Variants in PTPRS observed in about 807,000 individuals in gnomAD.
PTPRS encodes the protein protein tyrosine phosphatase receptor type S, also known as receptor-type tyrosine-protein phosphatase S.
PTPRS carries 63 observed loss-of-function variants against 215.3 expected under a neutral mutation model. The observed-to-expected ratio is 0.29, with a 90% confidence interval of 0.24 to 0.36. The LOEUF is 0.36. PTPRS is among the 10% of genes least tolerant of loss of function. The pLI is 1.00. For synonymous variants in PTPRS, 1,404 were observed against 1,191.4 expected, an observed-to-expected ratio of 1.18 and a Z score of -3.68; for missense variants, 2,258 against 2,825.8, an observed-to-expected ratio of 0.80 and a Z score of 4.56.
At chr19:5,242,926 TC>T (rs1208961415) in intron 11 of PTPRS, among the ~76,000 whole-genome samples, 3 of 151,768 alleles carry the variant, frequency 2.0e-5, no homozygotes, top group Non-Finnish European at 4.4e-5. Context: ...CCTCAATAAA[TC>T]CTCCTATCTT....
chr19:5,229,697 A>C lies in PTPRS; in HGVS notation c.2156-13T>G. The C allele has an allele frequency of 1.3e-5, 4 of 314,548 alleles. No homozygotes were observed. The highest frequency in any genetic ancestry group is 1.9e-5 in the Non-Finnish European group (4 of 211,814). 19.5% of individuals were successfully genotyped at this position (314,548 alleles called of 1,614,324 possible). A position where few individuals can be genotyped will look rare whatever the true frequency, so the allele number is the denominator to read the frequency against. ...GGCGCGCTGGGCACTGGCGGGCGGGAGGGGAGGGGAGGGGCGGGCGGAGCC... is the reference window on the plus strand; with the variant it reads ...GGCGCGCTGGGCACTGGCGGGCGGGCGGGGAGGGGAGGGGCGGGCGGAGCC... On this transcript the variant is annotated splice_polypyrimidine_tract_variant and intron_variant, in intron 14 of 37. Coordinates refer to ENST00000262963, the MANE Select transcript of PTPRS (RefSeq NM_002850.4).
intron 4 of PTPRS, among the ~76,000 whole-genome samples, chr19:5,267,759 T>G (rs2046543062): frequency 9.1e-6 from 1 of 109,494 alleles, no homozygotes; most frequent in South Asian, 3.3e-4. Context: ...GACAAAAAAG[T>G]GACAAATCGC....
chr19:5,261,563 A>T (rs2045994115), intron 6 of PTPRS, among the ~76,000 whole-genome samples: 1 of 152,172 alleles, frequency 6.6e-6, no homozygotes, highest in Non-Finnish European at 1.5e-5. Flanking sequence ...TCTGCTGCTG[A>T]TGGCCGATAA....
intron 9 of PTPRS, among the ~76,000 whole-genome samples, chr19:5,255,456 GCA>G (rs2045472503): frequency 6.6e-6 from 1 of 151,880 alleles, no homozygotes; most frequent in Non-Finnish European, 1.5e-5. Context: ...AAACCAAATA[GCA>G]CAGACACAAG....
chr19:5,260,970 C>A, intron 6 of PTPRS, 148 bp from the exon 7 acceptor site: 1 of 953,756 alleles, frequency 1.0e-6, no homozygotes, highest in Admixed American at 2.3e-5. Context: ...GCATACGGAC[C>A]CTGCGGGCTT....
chr19:5,286,347 C>T (rs2048349682), intron 1 of PTPRS, 113 bp from the exon 2 acceptor site: 4 of 585,600 alleles, frequency 6.8e-6, no homozygotes, highest in Non-Finnish European at 1.2e-5. Flanking sequence ...GGGGGCTGGT[C>T]ATGGGACAAT....
At chr19:5,219,029 C>G (rs909705184) in intron 23 of PTPRS, 2 of 631,590 alleles carry the variant, frequency 3.2e-6, no homozygotes, top group Non-Finnish European at 5.4e-6. Flanking sequence ...ACTACAATTG[C>G]TATCCTCATT....
chr19:5,258,004 C>G lies in PTPRS; in HGVS notation c.706+13G>C. ...CGGGTCCCTGCCTTTGACCTGGACG[C>G]GGCGTTCCCTACCTCGCACGTAGAG... On this transcript the variant is annotated intron_variant, in intron 8 of 37. Transcript: ENST00000262963. The G allele has an allele frequency of 6.2e-7, 1 of 1,609,028 alleles. No homozygotes were observed. The highest frequency in any genetic ancestry group is 1.7e-4 in the Middle Eastern group (1 of 5,966).
intron 2 of PTPRS, among the ~76,000 whole-genome samples, chr19:5,276,181 T>G (rs2047343535): frequency 6.6e-6 from 1 of 152,214 alleles, no homozygotes; most frequent in Non-Finnish European, 1.5e-5. Flanking sequence ...TCTGATGTAT[T>G]CATTCAGTCT....
chr19:5,229,538 C>A lies in PTPRS; in HGVS notation c.2302G>T (p.Ala768Ser). ...VHYVRMEGAE[A>S]RGPPRIKDVM... Reference sequence around the variant, plus strand: ...TCCTTGATGCGCGGCGGCCCGCGGGCCTCGGCGCCCTCCATGCGCACGTAG... The same window carrying A: ...TCCTTGATGCGCGGCGGCCCGCGGGACTCGGCGCCCTCCATGCGCACGTAG... Residue 768 changes from alanine to serine, a missense_variant, in exon 15 of 38, where the codon GCC (alanine) becomes TCC (serine). By Grantham distance (99) the Ala-to-Ser change is moderately conservative. Coordinates refer to ENST00000262963, the MANE Select transcript of PTPRS (RefSeq NM_002850.4). 1 of 1,464,654 alleles carries A rather than the reference C, an allele frequency of 6.8e-7. No individual in the cohort carries two copies. Among genetic ancestry groups the A allele is most frequent in the African/African-American group, 1.5e-5 (1 of 67,596 alleles). The allele number at this position is 1,464,654 out of a possible 1,614,324, so 90.7% of individuals were successfully genotyped here. A position where few individuals can be genotyped will look rare whatever the true frequency, so the allele number is the denominator to read the frequency against.
intron 4 of PTPRS, 111 bp downstream of exon 4, chr19:5,273,331 C>A: frequency 6.5e-7 from 1 of 1,529,014 alleles, no homozygotes; most frequent in South Asian, 1.1e-5. Flanking sequence ...AAGGTCCTCC[C>A]AAAAAACACA....
chr19:5,213,520 A>G (rs890688705), intron 30 of PTPRS, among the ~76,000 whole-genome samples: 2 of 152,112 alleles, frequency 1.3e-5, no homozygotes, highest in Admixed American at 1.3e-4. Flanking sequence ...CTTTCTTGAC[A>G]TTTCATAGTT....
intron 4 of PTPRS, among the ~76,000 whole-genome samples, chr19:5,272,197 G>A (rs181987186): frequency 5.1e-4 from 77 of 152,164 alleles, no homozygotes; most frequent in Admixed American, 4.3e-3. Flanking sequence ...GTTTGTAGGC[G>A]GCTGTTTGAA....
chr19:5,220,116 C>T lies in PTPRS; in HGVS notation c.3588G>A (p.Leu1196=), dbSNP rs1411422918. ...GCACCTCCAGCTGACGCGAGTGCCGCAGGCTGCGCCTCTGTAGCCGTGAGA... is the reference window on the plus strand; with the variant it reads ...GCACCTCCAGCTGACGCGAGTGCCGTAGGCTGCGCCTCTGTAGCCGTGAGA... ...QDISRLQRRS[L]RHSRQLEVPR... The change falls in exon 22 of 38, where the codon CTG becomes CTA. Residue 1196 remains leucine (L), a synonymous_variant. Transcript: ENST00000262963. The T allele has an allele frequency of 1.2e-6, 2 of 1,612,994 alleles. No individual in the cohort carries two copies. Among genetic ancestry groups the T allele is most frequent in the South Asian group, 1.1e-5 (1 of 91,080 alleles).
chr19:5,241,064 A>G (rs1159568714), intron 11 of PTPRS, among the ~76,000 whole-genome samples: 1 of 150,512 alleles, frequency 6.6e-6, no homozygotes. Flanking sequence ...TAACTTTTGT[A>G]TTTTTAGTAG....
intron 9 of PTPRS, among the ~76,000 whole-genome samples, chr19:5,249,785 A>T (rs1398130552): frequency 6.6e-6 from 1 of 152,258 alleles, no homozygotes; most frequent in East Asian, 1.9e-4. Context: ...TTATACTCAA[A>T]GGAATTGTTG....
chr19:5,329,400 A>G (rs2050255199), intron 1 of PTPRS, among the ~76,000 whole-genome samples: 1 of 152,208 alleles, frequency 6.6e-6, no homozygotes, highest in Non-Finnish European at 1.5e-5. Flanking sequence ...CTCTGGCTAC[A>G]TCGTAGCTAA....
chr19:5,252,529 A>G (rs964366494), intron 9 of PTPRS, among the ~76,000 whole-genome samples: 1 of 141,116 alleles, frequency 7.1e-6, no homozygotes, highest in Non-Finnish European at 1.5e-5. Flanking sequence ...GTGAGCCGAG[A>G]TTGCGCCACT....
intron 17 of PTPRS, among the ~76,000 whole-genome samples, chr19:5,225,368 T>C (rs552383757): frequency 2.0e-5 from 3 of 152,162 alleles, no homozygotes; most frequent in Admixed American, 2.0e-4. Context: ...AGGTGTACCT[T>C]GAGCTGAGAC....
Sources: allele counts gnomAD v4.1 joint callset (sites outside exome capture counted in the v4.1 genomes callset), GRCh38; gene constraint gnomAD v4.1.1; transcripts MANE v1.5; gene names NCBI Gene and HGNC (gene_info 2026-07-23, HGNC 2026-07-21).